Variants in JMJD1C observed in about 807,000 individuals in gnomAD.
JMJD1C encodes jumonji domain-containing protein 1C.
JMJD1C carries 31 observed loss-of-function variants against 245.3 expected under a neutral mutation model. The observed-to-expected ratio is 0.13, with a 90% CI of 0.09 to 0.17. JMJD1C has a LOEUF of 0.17. Ranked by LOEUF, JMJD1C falls within the 10% of genes least tolerant of loss-of-function variation. The pLI is 1.00. For synonymous variants in JMJD1C, 1,057 were observed against 1,017.4 expected, an observed-to-expected ratio of 1.04 and a Z score of -0.74; for missense variants, 2,691 against 3,000.2, an observed-to-expected ratio of 0.90 and a Z score of 2.41.
In JMJD1C at chr10:63,214,352, T is replaced by C. The variant is rs1485009728; in HGVS notation, c.1815A>G (p.Ala605=). 2 of 1,614,080 alleles carry C rather than the reference T, an allele frequency of 1.2e-6. No individual in the cohort carries two copies. The highest frequency in any genetic ancestry group is 1.7e-5 in the Admixed American group (1 of 60,022). ...KYVSYISPLS[A]VSVMEDKLHK... ...GCAGCTTATCTTCCATGACAGAAAC[T>C]GCACTTAAAGGAGAAATGTAAGAGA... The change falls in exon 8 of 26, where the codon GCA becomes GCG. Residue 605 remains alanine, a synonymous_variant. Transcript: ENST00000399262.
At chr10:63,392,953 C>G (rs1948195849) in intron 1 of JMJD1C, among the ~76,000 whole-genome samples, 1 of 143,800 alleles carries the variant, frequency 7.0e-6, no homozygotes, top group East Asian at 2.1e-4. Flanking sequence ...AGACAACATA[C>G]AAACAGCCAA....
chr10:63,184,939 G>T, intron 20 of JMJD1C, among the ~76,000 whole-genome samples: 1 of 152,126 alleles, frequency 6.6e-6, no homozygotes, highest in Middle Eastern at 3.2e-3. Flanking sequence ...TCCAATAGAA[G>T]GGAGGTCCTA....
intron 2 of JMJD1C, among the ~76,000 whole-genome samples, chr10:63,297,665 C>T (rs1055124307): frequency 1.8e-4 from 27 of 152,216 alleles, no homozygotes; most frequent in Admixed American, 1.4e-3. Flanking sequence ...CCAGAGCTTC[C>T]GTAACACTAC....
intron 2 of JMJD1C, among the ~76,000 whole-genome samples, chr10:63,375,366 T>A (rs1482010046): frequency 6.6e-6 from 1 of 151,890 alleles, no homozygotes; most frequent in Non-Finnish European, 1.5e-5. Flanking sequence ...CAATAATGAA[T>A]AATTTGAAAA....
At chr10:63,302,788 A>G (rs1860258192) in intron 2 of JMJD1C, among the ~76,000 whole-genome samples, 1 of 152,246 alleles carries the variant, frequency 6.6e-6, no homozygotes, top group African/African-American at 2.4e-5. Flanking sequence ...ATTTGGAATT[A>G]GCCAAAATTA....
chr10:63,185,519 G>T, intron 20 of JMJD1C, 44 bp downstream of exon 20: 1 of 1,097,166 alleles, frequency 9.1e-7, no homozygotes. Context: ...GACAGTCTTA[G>T]CTCGATCTCA....
At chr10:63,449,267 C>CTAAAAGA (rs1223253920) in intron 1 of JMJD1C, among the ~76,000 whole-genome samples, 33 of 152,012 alleles carry the variant, frequency 2.2e-4, no homozygotes, top group Non-Finnish European at 3.7e-4. Context: ...TGAACTGGTA[C>CTAAAAGA]ACAATCTAAA....
Position 63,217,309 on chromosome 10 carries a change from G to C in JMJD1C, c.576C>G (p.Tyr192Ter). 4 of 1,596,152 alleles carry C rather than the reference G, an allele frequency of 2.5e-6. No homozygotes were observed. The highest frequency in any genetic ancestry group is 3.4e-6 in the Non-Finnish European group (4 of 1,172,078). Residue 192 changes from tyrosine (Y) to a stop codon, truncating the protein, a stop_gained, in exon 5 of 26, where the codon TAC (tyrosine) becomes TAG (stop). Transcript: ENST00000399262. LOFTEE classifies it high-confidence loss of function. Reference sequence around the variant, plus strand: ...AGTCTTGTCTATATACTCTCACTCTGTATCCATTTAAGGAATAAGGACCTT... The same window carrying C: ...AGTCTTGTCTATATACTCTCACTCTCTATCCATTTAAGGAATAAGGACCTT... ...FMQGPYSLNGYRVRVYRQDSA... is the reference protein window; with the variant it reads ...FMQGPYSLNG
intron 1 of JMJD1C, among the ~76,000 whole-genome samples, chr10:63,397,561 C>T: frequency 6.7e-6 from 1 of 150,182 alleles, no homozygotes; most frequent in South Asian, 2.1e-4. Flanking sequence ...TGAACAGGAT[C>T]TCACTCTTGT....
intron 1 of JMJD1C, among the ~76,000 whole-genome samples, chr10:63,498,431 T>C (rs567610298): frequency 6.6e-6 from 1 of 152,316 alleles, no homozygotes; most frequent in East Asian, 1.9e-4. Flanking sequence ...GCTTCTACTT[T>C]CACATTTTCC....
intron 3 of JMJD1C, among the ~76,000 whole-genome samples, chr10:63,238,656 A>G (rs1287769660): frequency 2.0e-5 from 3 of 152,178 alleles, no homozygotes; most frequent in Admixed American, 1.3e-4. Context: ...TTCTTCCATA[A>G]CCTCATGCTG....
rs746935324 is a variant in JMJD1C at position 63,465,475 on chromosome 10, G to C, written c.168+20C>G. ...GGGTGCGGGCGCGGCAGGGGAAAAGGGGGGCGCTGACTCTCTTACCGCCAG... is the reference window on the plus strand; with the variant it reads ...GGGTGCGGGCGCGGCAGGGGAAAAGCGGGGCGCTGACTCTCTTACCGCCAG... On this transcript the variant is annotated intron_variant, in intron 1 of 25. Coordinates refer to ENST00000399262, the MANE Select transcript of JMJD1C (RefSeq NM_032776.3). The C allele has an allele frequency of 1.9e-6, 3 of 1,583,484 alleles. No homozygotes were observed. In the Admixed American group the frequency reaches 5.2e-5, roughly 27 times the overall value.
In JMJD1C at chr10:63,168,120, C is replaced by T; in HGVS notation, c.7548G>A (p.Leu2516=). Residue 2516 remains leucine, a synonymous_variant, in exon 26 of 26, where the codon TTG becomes TTA. Coordinates refer to ENST00000399262, the MANE Select transcript of JMJD1C (RefSeq NM_032776.3). ...YDDKLQVKNI[L]YHAVKEMVRA... is the part of the protein sequence containing the mutation. ...TCACCATTTCTTTGACTGCATGATA[C>T]AAAATATTTTTAACCTGAAAGAGAT... 5.0e-6 allele frequency: 8 copies of T among 1,601,742 alleles called. No individual in the cohort carries two copies. The highest frequency in any genetic ancestry group is 6.8e-6 in the Non-Finnish European group (8 of 1,169,946).
intron 1 of JMJD1C, among the ~76,000 whole-genome samples, chr10:63,458,025 G>A (rs960211183): frequency 2.4e-4 from 37 of 152,038 alleles, no homozygotes; most frequent in South Asian, 1.7e-3. Context: ...TAATAATTTC[G>A]TAAACTAGCT....
chr10:63,246,519 A>G (rs928695255), intron 3 of JMJD1C, among the ~76,000 whole-genome samples: 2 of 151,840 alleles, frequency 1.3e-5, no homozygotes, highest in Non-Finnish European at 2.9e-5. Context: ...TGGAGAGAGA[A>G]TTTTTTTTTC....
In JMJD1C at chr10:63,518,469, G is replaced by T. The variant is rs148591788; in HGVS notation, n.113+3269C>A. Among the ~76,000 whole-genome samples the T allele has an allele frequency of 2.2e-3, 328 of 152,308 alleles. 1 individual carries two copies. Among genetic ancestry groups the T allele is most frequent in the African/African-American group, 7.5e-3 (311 of 41,562 alleles). On this transcript the variant is annotated intron_variant and non_coding_transcript_variant, in intron 1 of 3. Coordinates refer to the JMJD1C transcript ENST00000633035. ...GCAAAACTACACTAGAAGACTTAAA[G>T]AAGTAACTAGTAGCTGAATATATCT...
At chr10:63,417,196 T>C (rs567027100) in intron 1 of JMJD1C, among the ~76,000 whole-genome samples, 1 of 152,254 alleles carries the variant, frequency 6.6e-6, no homozygotes, top group African/African-American at 2.4e-5. Flanking sequence ...CCCAATTATT[T>C]AAACAAGTAA....
At chr10:63,487,559 C>T (rs1954038492) in intron 1 of JMJD1C, among the ~76,000 whole-genome samples, 1 of 152,196 alleles carries the variant, frequency 6.6e-6, no homozygotes. Flanking sequence ...GAAACACTGA[C>T]TGATCCAGGT....
intron 2 of JMJD1C, among the ~76,000 whole-genome samples, chr10:63,323,786 G>T (rs140848436): frequency 6.6e-6 from 1 of 152,128 alleles, no homozygotes; most frequent in Non-Finnish European, 1.5e-5. Flanking sequence ...AATAGAGTGT[G>T]AGCATATTTG....
Sources: gnomAD v4.1 joint callset for allele counts (sites outside exome capture counted in the v4.1 genomes callset) on GRCh38, gnomAD v4.1.1 for gene constraint, MANE v1.5 for transcripts, NCBI Gene and HGNC (gene_info 2026-07-23, HGNC 2026-07-21) for gene names.